The following NBAS variants were observed in gnomAD, a reference collection of about 807,000 sequenced individuals.
The protein encoded by NBAS is NBAS subunit of NRZ tethering complex, also known as NAG/BC035112 fusion.
A neutral mutation model predicts 302.5 loss-of-function variants in NBAS; 219 were observed. The ratio of observed to expected loss-of-function variants is 0.72; its 90% CI spans 0.65 to 0.81. The LOEUF (loss-of-function observed/expected upper bound fraction) is 0.81. Ranked by LOEUF, NBAS falls within the 30% of genes least tolerant of loss-of-function variation. NBAS has a pLI of 0.00. For synonymous variants in NBAS, 1,118 were observed against 1,021.6 expected (o/e 1.09, Z -1.80); for missense variants, 2,932 against 2,841.6 (o/e 1.03, Z -0.72).
At chr2:15,057,453 G>A in the NBAS span, among the ~76,000 whole-genome samples, 5 of 151,450 alleles carry the variant, frequency 3.3e-5, no homozygotes, top group African/African-American at 4.9e-5. Flanking sequence ...TTTTCCATAA[G>A]TTATTGGGGA....
At chr2:14,981,074 C>A in the NBAS span, among the ~76,000 whole-genome samples, 4 of 150,688 alleles carry the variant, frequency 2.7e-5, no homozygotes, top group Non-Finnish European at 5.9e-5. Context: ...GAAAAAAAAA[C>A]AGAAGAAAAA....
chr2:14,828,724 A>G, the NBAS span, among the ~76,000 whole-genome samples: 1 of 152,188 alleles, frequency 6.6e-6, no homozygotes, highest in Non-Finnish European at 1.5e-5. Flanking sequence ...GTGGAGCAGG[A>G]AGAAGTGAAT....
intron 31 of NBAS, among the ~76,000 whole-genome samples, chr2:15,372,217 T>C (rs1184586431): frequency 6.6e-6 from 1 of 152,150 alleles, no homozygotes; most frequent in Non-Finnish European, 1.5e-5. Context: ...ATTTAAATAT[T>C]AAGAAAAATT....
At chr2:15,470,611 C>A (rs1055295670) in intron 16 of NBAS, among the ~76,000 whole-genome samples, 3 of 152,176 alleles carry the variant, frequency 2.0e-5, no homozygotes, top group Non-Finnish European at 2.9e-5. Flanking sequence ...ATGTCTTCCT[C>A]CCTTCTCATT....
chr2:15,220,857 CTT>C (rs200596646), intron 47 of NBAS, among the ~76,000 whole-genome samples: 1 of 148,808 alleles, frequency 6.7e-6, no homozygotes, highest in Non-Finnish European at 1.5e-5. Flanking sequence ...GATTACAAGT[CTT>C]TTTTTTTTAA....
At chr2:15,073,476 C>CAAAAAAAAA in the NBAS span, among the ~76,000 whole-genome samples, 1 of 65,770 alleles carries the variant, frequency 1.5e-5, no homozygotes. Flanking sequence ...AACTCCTTCT[C>CAAAAAAAAA]AAAAAAAAAA....
the NBAS span, among the ~76,000 whole-genome samples, chr2:14,895,978 C>T: frequency 6.8e-6 from 1 of 147,084 alleles, no homozygotes; most frequent in South Asian, 2.2e-4. Flanking sequence ...CAAACCTGCA[C>T]GTGTTACCTC....
At chr2:15,478,154 T>A in intron 13 of NBAS, 72 bp downstream of exon 13, 1 of 1,098,224 alleles carries the variant, frequency 9.1e-7, no homozygotes, top group Admixed American at 1.9e-5. Flanking sequence ...ACTTTTTATA[T>A]CATCCAAAGA....
At chr2:14,829,020 T>C in the NBAS span, among the ~76,000 whole-genome samples, 1 of 151,990 alleles carries the variant, frequency 6.6e-6, no homozygotes, top group East Asian at 1.9e-4. Flanking sequence ...TTTAATTGCC[T>C]GGTGGTGATT....
At chr2:15,024,823 C>A in the NBAS span, among the ~76,000 whole-genome samples, 1 of 152,002 alleles carries the variant, frequency 6.6e-6, no homozygotes, top group Non-Finnish European at 1.5e-5. Context: ...ATGCTTTTTG[C>A]TTGAATGTTC....
At chr2:14,867,205 C>T in the NBAS span, among the ~76,000 whole-genome samples, 1 of 152,242 alleles carries the variant, frequency 6.6e-6, no homozygotes, top group Non-Finnish European at 1.5e-5. Flanking sequence ...TGGCTAAGGT[C>T]CAGGAGTCAA....
the NBAS span, among the ~76,000 whole-genome samples, chr2:14,943,118 G>A: frequency 1.3e-5 from 2 of 152,208 alleles, no homozygotes; most frequent in South Asian, 4.1e-4. Flanking sequence ...AAATTTGGAA[G>A]CACATGCATA....
chr2:15,290,499 G>A (rs1670259105), intron 41 of NBAS, among the ~76,000 whole-genome samples: 1 of 152,200 alleles, frequency 6.6e-6, no homozygotes, highest in South Asian at 2.1e-4. Context: ...TGTAACTGAT[G>A]ATATAAGGCA....
intron 24 of NBAS, among the ~76,000 whole-genome samples, chr2:15,417,214 T>C (rs916259844): frequency 6.6e-6 from 1 of 152,162 alleles, no homozygotes; most frequent in African/African-American, 2.4e-5. Context: ...ATTGGGAAGT[T>C]TAACAAAGTG....
chr2:15,088,395 T>C, the NBAS span, among the ~76,000 whole-genome samples: 1 of 152,234 alleles, frequency 6.6e-6, no homozygotes, highest in Admixed American at 6.5e-5. Flanking sequence ...TTTCAAATTA[T>C]TTCTTTCTGT....
chr2:15,363,509 T>C (rs1338999298), intron 32 of NBAS, among the ~76,000 whole-genome samples: 2 of 152,140 alleles, frequency 1.3e-5, no homozygotes, highest in South Asian at 2.1e-4. Context: ...TATTATTATA[T>C]AGTGTCAAAA....
the NBAS span, among the ~76,000 whole-genome samples, chr2:15,145,889 C>G: frequency 2.0e-5 from 3 of 152,070 alleles, no homozygotes; most frequent in African/African-American, 7.3e-5. Flanking sequence ...AGTTGAGAGC[C>G]ACCCATCTAA....
chr2:15,559,062 CAAAAA>C (rs70961421), intron 1 of NBAS, among the ~76,000 whole-genome samples: 693 of 50,474 alleles, frequency 0.014, 13 homozygotes, highest in African/African-American at 0.047. Flanking sequence ...GACCCTGCCT[CAAAAA>C]AAAAAAAAAA....
the NBAS span, among the ~76,000 whole-genome samples, chr2:15,030,041 G>T: frequency 6.6e-6 from 1 of 151,994 alleles, no homozygotes; most frequent in Non-Finnish European, 1.5e-5. Flanking sequence ...TTTTAGCATG[G>T]AAAAAAAATT....
Sources: gnomAD v4.1 joint callset for allele counts (sites outside exome capture counted in the v4.1 genomes callset) on GRCh38, gnomAD v4.1.1 for gene constraint, MANE v1.5 for transcripts, NCBI Gene and HGNC (gene_info 2026-07-23, HGNC 2026-07-21) for gene names.